The following PRKCE variants were observed in gnomAD, a reference collection of about 807,000 sequenced individuals.
The protein encoded by PRKCE is protein kinase C epsilon type.
In PRKCE, 16 loss-of-function variants were observed where a neutral mutation model predicts 85.4. The observed-to-expected ratio is 0.19, with a 90% CI of 0.13 to 0.28. PRKCE has a LOEUF of 0.28. PRKCE is among the 10% of genes least tolerant of loss of function. The pLI, the probability that PRKCE is intolerant of heterozygous loss-of-function variation, is 1.00. For synonymous variants in PRKCE, 388 were observed against 371.5 expected (o/e 1.04, Z -0.51); for missense variants, 573 against 975.2 (o/e 0.59, Z 5.49).
chr2:45,820,202 C>T (rs1286951456), intron 1 of PRKCE, among the ~76,000 whole-genome samples: 5 of 152,124 alleles, frequency 3.3e-5, no homozygotes, highest in Non-Finnish European at 7.4e-5. Context: ...TTATTAAGCA[C>T]CTTTTAAGTG....
chr2:45,892,639 T>C (rs1359951281), intron 2 of PRKCE, among the ~76,000 whole-genome samples: 1 of 152,138 alleles, frequency 6.6e-6, no homozygotes, highest in South Asian at 2.1e-4. Flanking sequence ...AGTGCCCACC[T>C]GGTTTTAAAG....
intron 2 of PRKCE, among the ~76,000 whole-genome samples, chr2:45,928,659 A>G (rs917779461): frequency 1.3e-5 from 2 of 152,228 alleles, no homozygotes; most frequent in Non-Finnish European, 2.9e-5. Context: ...TTTTAACAGA[A>G]GGATGCCGAA....
At chr2:46,016,412 T>C (rs1221841572) in intron 10 of PRKCE, among the ~76,000 whole-genome samples, 1 of 152,156 alleles carries the variant, frequency 6.6e-6, no homozygotes, top group Non-Finnish European at 1.5e-5. Flanking sequence ...CAAGGCTTCA[T>C]GGAGCAAGAC....
chr2:46,033,961 C>G (rs368773105), intron 10 of PRKCE, among the ~76,000 whole-genome samples: 9 of 152,152 alleles, frequency 5.9e-5, no homozygotes, highest in Non-Finnish European at 4.4e-5. Flanking sequence ...AGTCTGAAAG[C>G]CTATGTTTCA....
chr2:46,034,410 T>C (rs1707726362), intron 10 of PRKCE, among the ~76,000 whole-genome samples: 2 of 152,240 alleles, frequency 1.3e-5, no homozygotes, highest in African/African-American at 2.4e-5. Context: ...AGGAGGGGGC[T>C]GTGTGCCCGT....
At chr2:45,687,565 G>A (rs1214109841) in intron 1 of PRKCE, among the ~76,000 whole-genome samples, 2 of 152,132 alleles carry the variant, frequency 1.3e-5, no homozygotes, top group Admixed American at 6.6e-5. Flanking sequence ...TTCCAGAAAT[G>A]TTGTCCCACA....
At chr2:45,993,887 G>A (rs1704014042) in intron 6 of PRKCE, among the ~76,000 whole-genome samples, 2 of 152,090 alleles carry the variant, frequency 1.3e-5, no homozygotes, top group Non-Finnish European at 2.9e-5. Flanking sequence ...GCCTGGCTGC[G>A]CTGGAGTTTT....
chr2:45,848,925 G>A (rs1296399922), intron 2 of PRKCE, among the ~76,000 whole-genome samples: 1 of 152,192 alleles, frequency 6.6e-6, no homozygotes, highest in Non-Finnish European at 1.5e-5. Context: ...GGATAGGCAG[G>A]CTGGATTGGC....
chr2:45,999,111 A>G (rs1704458315), intron 6 of PRKCE, among the ~76,000 whole-genome samples: 1 of 152,184 alleles, frequency 6.6e-6, no homozygotes. Flanking sequence ...ATTAGCTGTT[A>G]AATTAATTAA....
intron 1 of PRKCE, among the ~76,000 whole-genome samples, chr2:45,762,405 A>G (rs750801786): frequency 5.9e-5 from 9 of 152,132 alleles, no homozygotes; most frequent in Non-Finnish European, 1.2e-4. Flanking sequence ...CTCCCTGCTG[A>G]ACTTTGTCAC....
Position 46,010,508 on chromosome 2 carries a change from C to T in PRKCE, c.1428C>T (p.Phe476=). The part of the protein sequence containing the change: ...HPYLTQLYCC[F]QTKDRLFFVM... ...ACCTTACCCAACTCTACTGCTGCTT[C>T]CAGACCAAGGTATGTTAGGAAGAAG... The change falls in exon 10 of 15, where the codon TTC becomes TTT. Residue 476 remains phenylalanine (F), a synonymous_variant. Transcript: ENST00000306156. 6.3e-7 allele frequency: 1 copy of T among 1,599,576 alleles called. No homozygotes were observed. The highest frequency in any genetic ancestry group is 8.5e-7 in the Non-Finnish European group (1 of 1,179,870).
At chr2:45,737,118 G>A (rs1682135666) in intron 1 of PRKCE, among the ~76,000 whole-genome samples, 1 of 152,178 alleles carries the variant, frequency 6.6e-6, no homozygotes, top group South Asian at 2.1e-4. Flanking sequence ...TTGGGGGCTG[G>A]ACGACTCTCT....
At position 45,733,722 on chromosome 2, in the gene PRKCE, T is replaced by C. The variant is rs542247605; in HGVS notation, c.348+81274T>C. ...ACTATCAGCTTTCTTTCTACGCAGC[T>C]AAGAGTCTCTCTTCCCCCAAAGTCG... On this transcript the variant is annotated intron_variant, in intron 1 of 14. Coordinates refer to ENST00000306156, the MANE Select transcript of PRKCE (RefSeq NM_005400.3). Among the ~76,000 whole-genome samples, 14 of 152,298 alleles carry C rather than the reference T, an allele frequency of 9.2e-5. No individual in the cohort carries two copies. In the East Asian group the frequency reaches 2.7e-3, roughly 29 times the overall value.
intron 1 of PRKCE, among the ~76,000 whole-genome samples, chr2:45,691,104 A>G (rs1046169028): frequency 7.2e-5 from 11 of 152,194 alleles, no homozygotes; most frequent in African/African-American, 2.7e-4. Context: ...AAGTTTCAGG[A>G]CTAAGGTTCT....
chr2:45,906,131 C>T (rs929911560), intron 2 of PRKCE, among the ~76,000 whole-genome samples: 6 of 152,252 alleles, frequency 3.9e-5, no homozygotes, highest in African/African-American at 1.4e-4. Context: ...TGACACATTG[C>T]TGGAGCTAGG....
intron 1 of PRKCE, among the ~76,000 whole-genome samples, chr2:45,708,190 C>CTGGTT (rs56077009): frequency 0.86 from 130,085 of 151,866 alleles, 56,036 homozygotes; most frequent in East Asian, 0.94. Flanking sequence ...GAGCAAGTTG[C>CTGGTT]TAAGCTGGGG....
At chr2:46,178,613 T>A (rs1679669714) in intron 14 of PRKCE, among the ~76,000 whole-genome samples, 1 of 152,184 alleles carries the variant, frequency 6.6e-6, no homozygotes, top group Admixed American at 6.5e-5. Context: ...TATATGAGGA[T>A]CTAGTTAATG....
intron 1 of PRKCE, among the ~76,000 whole-genome samples, chr2:45,693,248 G>A (rs1170582223): frequency 6.6e-6 from 1 of 152,208 alleles, no homozygotes; most frequent in South Asian, 2.1e-4. Flanking sequence ...GGGGGTTCAG[G>A]CAGAGAGTAA....
chr2:45,705,825 C>T (rs1679066865), intron 1 of PRKCE, among the ~76,000 whole-genome samples: 1 of 152,200 alleles, frequency 6.6e-6, no homozygotes, highest in South Asian at 2.1e-4. Flanking sequence ...CTGATTAAGC[C>T]TTCTGCCTGG....
Sources: gnomAD v4.1 joint callset for allele counts (sites outside exome capture counted in the v4.1 genomes callset) on GRCh38, gnomAD v4.1.1 for gene constraint, MANE v1.5 for transcripts, NCBI Gene and HGNC (gene_info 2026-07-23, HGNC 2026-07-21) for gene names.